The following MYO18B variants were observed in gnomAD, a reference collection of about 807,000 sequenced individuals.
MYO18B encodes the protein myosin XVIIIB, also known as unconventional myosin-XVIIIb.
A neutral mutation model predicts 273.0 loss-of-function variants in MYO18B; 204 were observed. The ratio of observed to expected loss-of-function variants is 0.75; its 90% confidence interval spans 0.67 to 0.84. The LOEUF is 0.84. Among genes scored for constraint, MYO18B ranks in the 40% least tolerant of loss-of-function variants. The pLI is 0.00. For synonymous variants in MYO18B, 1,330 were observed against 1,305.7 expected, an observed-to-expected ratio of 1.02 and a Z score of -0.40; for missense variants, 3,212 against 3,287.6, an observed-to-expected ratio of 0.98 and a Z score of 0.56.
At chr22:25,823,738 T>C (rs2089378156) in intron 13 of MYO18B, 60 bp downstream of exon 13, 12 of 1,547,998 alleles carry the variant, frequency 7.8e-6, no homozygotes, top group Non-Finnish European at 1.1e-5. Context: ...CTCCTGGGGA[T>C]ACACCAGCAT....
chr22:25,830,534 A>G (rs1035870895), intron 15 of MYO18B, among the ~76,000 whole-genome samples: 15 of 152,202 alleles, frequency 9.9e-5, no homozygotes, highest in African/African-American at 2.9e-4. Flanking sequence ...TCAGCTGGCC[A>G]TGAACGGATC....
chr22:25,948,436 T>A (rs1417938741), intron 36 of MYO18B, among the ~76,000 whole-genome samples: 4 of 136,398 alleles, frequency 2.9e-5, no homozygotes, highest in Admixed American at 1.5e-4. Context: ...CCTTCCTTCC[T>A]TCCTTCCTTC....
chr22:25,953,531 A>G (rs915854739), intron 38 of MYO18B: 7 of 152,148 alleles, frequency 4.6e-5, no homozygotes, highest in African/African-American at 1.7e-4. Context: ...CTGGTCTCCA[A>G]TAAGGCTGCT....
At chr22:25,982,104 C>T (rs551775626) in intron 39 of MYO18B, among the ~76,000 whole-genome samples, 5 of 152,268 alleles carry the variant, frequency 3.3e-5, no homozygotes, top group African/African-American at 9.6e-5. Flanking sequence ...ATCTTATTTG[C>T]TAACATGAGA....
intron 1 of MYO18B, among the ~76,000 whole-genome samples, chr22:25,748,441 C>T (rs2085845702): frequency 6.6e-6 from 1 of 152,150 alleles, no homozygotes; most frequent in Non-Finnish European, 1.5e-5. Flanking sequence ...GGAAGAAACA[C>T]AATTAGAGCA....
intron 17 of MYO18B, among the ~76,000 whole-genome samples, chr22:25,841,013 C>T (rs773690365): frequency 6.6e-6 from 1 of 152,236 alleles, no homozygotes; most frequent in South Asian, 2.1e-4. Flanking sequence ...TGAGAACATT[C>T]AATCATCCAG....
intron 4 of MYO18B, 36 bp from the exon 5 acceptor site, chr22:25,770,074 A>G: frequency 6.2e-7 from 1 of 1,609,328 alleles, no homozygotes; most frequent in Non-Finnish European, 8.5e-7. Context: ...CAGCGGTGCC[A>G]TTTGCTGGTT....
intron 21 of MYO18B, among the ~76,000 whole-genome samples, chr22:25,859,641 TG>T (rs2146095111): frequency 6.6e-6 from 1 of 152,290 alleles, no homozygotes; most frequent in South Asian, 2.1e-4. Context: ...CTTTTTTTTT[TG>T]CATGTGCCTA....
At chr22:25,857,547 C>T (rs1034131610) in intron 21 of MYO18B, among the ~76,000 whole-genome samples, 6 of 152,224 alleles carry the variant, frequency 3.9e-5, no homozygotes, top group African/African-American at 1.4e-4. Context: ...GCTGTCTGCT[C>T]TCTAGGTGCT....
chr22:25,861,007 G>GC (rs529485999), intron 21 of MYO18B, among the ~76,000 whole-genome samples: 87 of 151,756 alleles, frequency 5.7e-4, no homozygotes, highest in Non-Finnish European at 1.1e-3. Flanking sequence ...TCCTATTTCA[G>GC]CCCCCTGCGT....
intron 34 of MYO18B, among the ~76,000 whole-genome samples, chr22:25,943,806 G>A (rs2092673777): frequency 7.0e-6 from 1 of 142,772 alleles, no homozygotes; most frequent in African/African-American, 2.6e-5. Context: ...TGCAACCTCT[G>A]CCTCCCGGGT....
chr22:26,006,721 A>G (rs541949840), intron 42 of MYO18B, among the ~76,000 whole-genome samples: 42 of 152,280 alleles, frequency 2.8e-4, no homozygotes, highest in African/African-American at 9.6e-4. Context: ...TTCTCTGTTC[A>G]TGTTTCCTCC....
intron 34 of MYO18B, among the ~76,000 whole-genome samples, chr22:25,933,439 A>C (rs1007372199): frequency 6.6e-6 from 1 of 151,998 alleles, no homozygotes; most frequent in Non-Finnish European, 1.5e-5. Flanking sequence ...CAGTGTGAGA[A>C]CCTGTCCCCT....
intron 33 of MYO18B, among the ~76,000 whole-genome samples, chr22:25,920,036 C>A (rs1349935256): frequency 6.6e-6 from 1 of 152,168 alleles, no homozygotes; most frequent in Non-Finnish European, 1.5e-5. Flanking sequence ...GACTCAGCCA[C>A]TGCTCCATCA....
Position 25,796,389 on chromosome 22 carries a change from A to G in MYO18B, c.2377-1564A>G, listed in dbSNP as rs574083443. On this transcript the variant is annotated intron_variant, in intron 11 of 43. Coordinates refer to ENST00000335473, the MANE Select transcript of MYO18B (RefSeq NM_032608.7). The stretch of plus-strand genomic sequence containing the variant: ...TGCTTGAGTCCAGGAGTTCAAGACT[A>G]GCCTGGGCAACATAGCGAGACCCCA... Among the ~76,000 whole-genome samples the G allele has an allele frequency of 2.2e-4, 34 of 152,190 alleles. No homozygotes were observed. The South Asian group carries it at 3.5e-3, about 16-fold the overall frequency.
intron 39 of MYO18B, among the ~76,000 whole-genome samples, chr22:25,982,322 T>C (rs965745966): frequency 2.0e-5 from 3 of 152,192 alleles, no homozygotes; most frequent in Non-Finnish European, 4.4e-5. Context: ...GCCACATCAG[T>C]GAGCCTGCTT....
rs137916565 is a variant in MYO18B at position 25,935,244 on chromosome 22, C to G, written c.5518-10893C>G. On this transcript the variant is annotated intron_variant, in intron 34 of 43. Coordinates refer to ENST00000335473, the MANE Select transcript of MYO18B (RefSeq NM_032608.7). ...CCTTTGGAGCAAAAAGCAGACACTT[C>G]CATAAGGTCAGGAGGAGAGTGAGCA... Among the ~76,000 whole-genome samples, 999 of 152,276 alleles carry G rather than the reference C, an allele frequency of 6.6e-3. 15 individuals are homozygous for G. Among genetic ancestry groups the G allele is most frequent in the African/African-American group, 0.023 (951 of 41,560 alleles).
chr22:25,902,506 G>GT (rs1601527226), intron 29 of MYO18B, 107 bp from the exon 30 acceptor site: 1 of 1,289,782 alleles, frequency 7.8e-7, no homozygotes, highest in East Asian at 2.6e-5. Context: ...CTTTCTAATG[G>GT]TTCTTGGGAA....
intron 12 of MYO18B, among the ~76,000 whole-genome samples, chr22:25,802,782 A>G (rs1242773140): frequency 1.4e-5 from 2 of 148,122 alleles, no homozygotes. Flanking sequence ...AAAAACCCCT[A>G]TAGCCTTTAG....
Sources: allele counts gnomAD v4.1 joint callset (sites outside exome capture counted in the v4.1 genomes callset), GRCh38; gene constraint gnomAD v4.1.1; transcripts MANE v1.5; gene names NCBI Gene and HGNC (gene_info 2026-07-23, HGNC 2026-07-21).